The following PLPPR1 variants were observed in gnomAD, a reference collection of about 807,000 sequenced individuals.
The protein encoded by PLPPR1 is phospholipid phosphatase-related protein type 1.
Under a neutral mutation model 33.1 loss-of-function variants are expected in PLPPR1, and 10 were observed. The observed-to-expected ratio is 0.30, with a 90% CI of 0.19 to 0.51. PLPPR1 has a LOEUF of 0.51. PLPPR1 is among the 20% of genes least tolerant of loss of function. The pLI is 0.97. For missense variants in PLPPR1, 304 were observed against 408.1 expected (o/e 0.74, Z 2.20); for synonymous variants, 151 against 151.0 (o/e 1.00, Z 0.00).
chr9:101,273,216 T>A (rs1438955923), intron 3 of PLPPR1, among the ~76,000 whole-genome samples: 1 of 152,200 alleles, frequency 6.6e-6, no homozygotes, highest in Non-Finnish European at 1.5e-5. Flanking sequence ...ATAATATGTA[T>A]CAATTATGTC....
intron 2 of PLPPR1, among the ~76,000 whole-genome samples, chr9:101,210,660 A>G (rs1345409282): frequency 2.0e-5 from 3 of 152,230 alleles, no homozygotes; most frequent in African/African-American, 7.2e-5. Context: ...TAGAAGAAGA[A>G]TGCAATCTAC....
chr9:101,050,946 C>A (rs934093281), intron 1 of PLPPR1, among the ~76,000 whole-genome samples: 1 of 152,138 alleles, frequency 6.6e-6, no homozygotes, highest in African/African-American at 2.4e-5. Flanking sequence ...CTTTGTCAAT[C>A]GAGTGTTTCA....
intron 1 of PLPPR1, among the ~76,000 whole-genome samples, chr9:101,148,183 C>G (rs1831543362): frequency 6.6e-6 from 1 of 152,072 alleles, no homozygotes; most frequent in South Asian, 2.1e-4. Flanking sequence ...CTCCCTTGGA[C>G]CCTCATACAG....
At chr9:101,230,894 T>A (rs1283456296) in intron 2 of PLPPR1, among the ~76,000 whole-genome samples, 3 of 151,998 alleles carry the variant, frequency 2.0e-5, no homozygotes, top group Non-Finnish European at 2.9e-5. Flanking sequence ...TTATTTATTT[T>A]TTTTCCAGTG....
chr9:101,311,551 T>C (rs10217289), intron 5 of PLPPR1, among the ~76,000 whole-genome samples: 18,769 of 152,196 alleles, frequency 0.12, 1,346 homozygotes, highest in South Asian at 0.18. Flanking sequence ...ACTGAATATA[T>C]GCAGCATAGG....
chr9:101,082,882 T>C (rs1335798393), intron 1 of PLPPR1, among the ~76,000 whole-genome samples: 1 of 152,148 alleles, frequency 6.6e-6, no homozygotes, highest in Non-Finnish European at 1.5e-5. Flanking sequence ...GAAGATTAAA[T>C]AAGCAAATAT....
chr9:101,200,527 A>C (rs1397302816), intron 2 of PLPPR1, among the ~76,000 whole-genome samples: 1 of 152,214 alleles, frequency 6.6e-6, no homozygotes, highest in East Asian at 1.9e-4. Flanking sequence ...TAGAGGGCTA[A>C]AACAATTTTT....
intron 1 of PLPPR1, among the ~76,000 whole-genome samples, chr9:101,107,629 G>T: frequency 1.2e-5 from 1 of 83,430 alleles, no homozygotes; most frequent in Non-Finnish European, 2.3e-5. Flanking sequence ...CCCTAGAGGT[G>T]GAGCCTACAG....
rs570979062 is a variant in PLPPR1, at chr9:101,217,626, T to A, written c.63+32069T>A. ...TGTAGTATGCAAAAGCAGCCATACA[T>A]AATACATAAATGAATGAGTGTGGAA... On this transcript the variant is annotated intron_variant, in intron 2 of 7. Coordinates refer to ENST00000374874, the MANE Select transcript of PLPPR1 (RefSeq NM_207299.2). Among the ~76,000 whole-genome samples the A allele has an allele frequency of 2.6e-4, 39 of 152,318 alleles. No individual in the cohort carries two copies. The South Asian group carries it at 7.7e-3, about 30-fold the overall frequency.
chr9:101,056,117 A>G (rs1364127638), intron 1 of PLPPR1, among the ~76,000 whole-genome samples: 1 of 152,178 alleles, frequency 6.6e-6, no homozygotes, highest in Non-Finnish European at 1.5e-5. Flanking sequence ...ATGTACTATT[A>G]TTACCCATAG....
At chr9:101,100,852 T>C (rs1037044150) in intron 1 of PLPPR1, among the ~76,000 whole-genome samples, 9 of 152,042 alleles carry the variant, frequency 5.9e-5, no homozygotes, top group Non-Finnish European at 1.3e-4. Flanking sequence ...CCCCATTCTA[T>C]AGCTAAGAGA....
chr9:101,269,711 A>G (rs1588104498), intron 2 of PLPPR1, 169 bp from the exon 3 acceptor site: 1 of 644,084 alleles, frequency 1.6e-6, no homozygotes, highest in East Asian at 2.7e-5. Flanking sequence ...GTTACAAGGC[A>G]GACAAGCAAG....
intron 4 of PLPPR1, among the ~76,000 whole-genome samples, chr9:101,292,971 A>C (rs1236745950): frequency 2.0e-5 from 3 of 152,104 alleles, no homozygotes; most frequent in South Asian, 2.1e-4. Flanking sequence ...CTTTAAATGT[A>C]AATGGACTAA....
chr9:101,054,390 C>A (rs1435747909), intron 1 of PLPPR1, among the ~76,000 whole-genome samples: 1 of 150,692 alleles, frequency 6.6e-6, no homozygotes, highest in African/African-American at 2.4e-5. Context: ...CCCTCTCATG[C>A]ATTCATTTAT....
intron 2 of PLPPR1, among the ~76,000 whole-genome samples, chr9:101,242,760 A>C (rs1435416347): frequency 6.6e-6 from 1 of 152,078 alleles, no homozygotes; most frequent in Non-Finnish European, 1.5e-5. Context: ...CCTATTCCAG[A>C]AACATTAATT....
intron 1 of PLPPR1, among the ~76,000 whole-genome samples, chr9:101,116,680 G>A (rs781001538): frequency 9.2e-5 from 14 of 151,900 alleles, no homozygotes; most frequent in Non-Finnish European, 1.9e-4. Context: ...GTGTGGTGGT[G>A]CGTGCCTCTA....
chr9:101,196,733 C>T (rs1372235239), intron 2 of PLPPR1, among the ~76,000 whole-genome samples: 4 of 151,988 alleles, frequency 2.6e-5, no homozygotes, highest in East Asian at 3.9e-4. Context: ...GGCGTGGTGG[C>T]GGGTGCCTGT....
chr9:101,121,819 T>C (rs1247237678), intron 1 of PLPPR1, among the ~76,000 whole-genome samples: 1 of 152,194 alleles, frequency 6.6e-6, no homozygotes, highest in African/African-American at 2.4e-5. Context: ...AGGTAGCAGC[T>C]TTTTCCCTTG....
intron 3 of PLPPR1, among the ~76,000 whole-genome samples, chr9:101,283,033 C>T (rs1828331187): frequency 6.6e-6 from 1 of 152,206 alleles, no homozygotes; most frequent in Non-Finnish European, 1.5e-5. Context: ...GATGGGATCT[C>T]GCTCTGTTGA....
Sources: allele counts gnomAD v4.1 joint callset (sites outside exome capture counted in the v4.1 genomes callset), GRCh38; gene constraint gnomAD v4.1.1; transcripts MANE v1.5; gene names NCBI Gene and HGNC (gene_info 2026-07-23, HGNC 2026-07-21).